CCDC73: variants seen among roughly 807,000 people sequenced by gnomAD.
CCDC73 encodes the protein coiled-coil domain containing 73, also known as coiled-coil domain-containing protein 73.
In CCDC73, 95 loss-of-function variants were observed where a neutral mutation model predicts 116.5. The observed-to-expected ratio is 0.82, with a 90% CI of 0.69 to 0.97. The LOEUF is 0.97. CCDC73 is among the 50% of genes least tolerant of loss of function. The probability of loss-of-function intolerance (pLI) is 0.00; values close to 1 mark genes in which losing one functional copy is unlikely to be tolerated. For missense variants in CCDC73, 1,066 were observed against 1,206.8 expected (o/e 0.88, Z 1.73); for synonymous variants, 398 against 401.3 (o/e 0.99, Z 0.10).
intron 6 of CCDC73, among the ~76,000 whole-genome samples, chr11:32,697,379 T>C (rs1201014782): frequency 2.6e-5 from 4 of 152,038 alleles, no homozygotes; most frequent in African/African-American, 9.7e-5. Flanking sequence ...TATTCAAATA[T>C]CCCAATTGTC....
chr11:32,719,314 CAG>C (rs940518948), intron 2 of CCDC73, among the ~76,000 whole-genome samples: 1 of 152,216 alleles, frequency 6.6e-6, no homozygotes, highest in African/African-American at 2.4e-5. Context: ...CACACACACA[CAG>C]AGCCCTTCTG....
At chr11:32,632,895 A>G (rs1251265829) in intron 14 of CCDC73, among the ~76,000 whole-genome samples, 1 of 152,220 alleles carries the variant, frequency 6.6e-6, no homozygotes, top group Non-Finnish European at 1.5e-5. Flanking sequence ...AAAAGAAGAA[A>G]GGTAAATAAT....
chr11:32,721,409 G>T (rs1849988438), intron 2 of CCDC73, among the ~76,000 whole-genome samples: 1 of 152,052 alleles, frequency 6.6e-6, no homozygotes. Context: ...TCAAAAGAGG[G>T]ATAGATAGAT....
At chr11:32,827,831 A>G in the CCDC73 span, among the ~76,000 whole-genome samples, 1 of 152,208 alleles carries the variant, frequency 6.6e-6, no homozygotes, top group African/African-American at 2.4e-5. Flanking sequence ...TGTGGTGTCC[A>G]TCTCCCCACC....
At position 32,613,542 on chromosome 11, in the gene CCDC73, G is replaced by A; in HGVS notation, c.2776C>T (p.Pro926Ser). ...IESQTASSST[P>S]CISLLLKERP... is the part of the protein sequence containing the mutation. ...TCCTTCAGCAACAAAGAAATGCAAGGGGTCGAACTGCTCGCTGTTTGACTT... is the reference window on the plus strand; with the variant it reads ...TCCTTCAGCAACAAAGAAATGCAAGAGGTCGAACTGCTCGCTGTTTGACTT... The change falls in exon 16 of 18, where the codon CCT becomes TCT. Residue 926 changes from proline to serine, a missense_variant. Pro to Ser is a moderately conservative substitution (Grantham distance 74). Transcript: ENST00000335185. 6.2e-7 allele frequency: 1 copy of A among 1,613,942 alleles called. No individual in the cohort carries two copies. Among genetic ancestry groups the A allele is most frequent in the Non-Finnish European group, 8.5e-7 (1 of 1,179,978 alleles).
At chr11:32,706,725 C>G (rs1165743292) in intron 3 of CCDC73, among the ~76,000 whole-genome samples, 2 of 152,158 alleles carry the variant, frequency 1.3e-5, no homozygotes, top group Admixed American at 1.3e-4. Context: ...ATAGGGGTAT[C>G]TCAAATAATC....
At chr11:32,610,382 G>C (rs952790911) in intron 17 of CCDC73, among the ~76,000 whole-genome samples, 1 of 152,142 alleles carries the variant, frequency 6.6e-6, no homozygotes, top group African/African-American at 2.4e-5. Flanking sequence ...TATCTCACTT[G>C]AGGTTTCTCC....
At chr11:32,653,904 A>G in intron 11 of CCDC73, 74 bp downstream of exon 11, 1 of 1,515,254 alleles carries the variant, frequency 6.6e-7, no homozygotes. Context: ...GCTATGCATG[A>G]TTCCACTTAT....
intron 2 of CCDC73, among the ~76,000 whole-genome samples, chr11:32,724,401 G>C (rs555987307): frequency 2.6e-5 from 4 of 152,112 alleles, no homozygotes; most frequent in African/African-American, 9.7e-5. Flanking sequence ...CATGGCATGT[G>C]ATGCCCATTA....
the CCDC73 span, among the ~76,000 whole-genome samples, chr11:32,825,061 G>A: frequency 6.6e-6 from 1 of 152,118 alleles, no homozygotes; most frequent in South Asian, 2.1e-4. Flanking sequence ...CTCCAGCCTG[G>A]GCAATAGAGT....
At chr11:32,647,669 G>C (rs1458457481) in intron 12 of CCDC73, among the ~76,000 whole-genome samples, 1 of 152,100 alleles carries the variant, frequency 6.6e-6, no homozygotes, top group Non-Finnish European at 1.5e-5. Context: ...GGGCAGGTTA[G>C]CTTCCCCTGA....
chr11:32,797,105 A>G (rs1378855763), upstream of CCDC73, among the ~76,000 whole-genome samples: 1 of 152,092 alleles, frequency 6.6e-6, no homozygotes, highest in African/African-American at 2.4e-5. Context: ...AAGTCATGAT[A>G]CATGTGAACA....
intron 6 of CCDC73, among the ~76,000 whole-genome samples, chr11:32,684,959 T>A (rs938537804): frequency 1.3e-5 from 2 of 151,956 alleles, no homozygotes; most frequent in Admixed American, 1.3e-4. Flanking sequence ...CCAGCCTGAG[T>A]GACAGAATGA....
In CCDC73 at chr11:32,614,128, G is replaced by T; in HGVS notation, c.2190C>A (p.Val730=). Residue 730 remains valine, a synonymous_variant, in exon 16 of 18, where the codon GTC becomes GTA. Transcript: ENST00000335185. ...KLLLKNSDKN[V]HSMSMLVKPN... is the part of the protein sequence containing the mutation. ...GTTTCACCAACATAGACATACTATG[G>T]ACATTTTTATCTGAGTTCTTCAGAA... The T allele has an allele frequency of 6.2e-7, 1 of 1,613,492 alleles. No individual in the cohort carries two copies. The highest frequency in any genetic ancestry group is 1.1e-5 in the South Asian group (1 of 91,064).
At chr11:32,826,585 T>C in the CCDC73 span, among the ~76,000 whole-genome samples, 273 of 150,236 alleles carry the variant, frequency 1.8e-3, no homozygotes, top group African/African-American at 6.2e-3. Context: ...CAATTTTTTT[T>C]CTTATTCCCT....
At chr11:32,762,715 TCTAA>T (rs1273913942) in intron 1 of CCDC73, among the ~76,000 whole-genome samples, 1 of 152,146 alleles carries the variant, frequency 6.6e-6, no homozygotes, top group Non-Finnish European at 1.5e-5. Flanking sequence ...TTTCTGCATT[TCTAA>T]CTGAGGTACT....
intron 7 of CCDC73, chr11:32,681,563 A>C (rs1005923761): frequency 6.6e-6 from 1 of 152,022 alleles, no homozygotes; most frequent in Non-Finnish European, 1.5e-5. Context: ...CTAGTAGTTA[A>C]GGACTTACCT....
the CCDC73 span, among the ~76,000 whole-genome samples, chr11:32,825,741 A>G: frequency 6.6e-6 from 1 of 152,198 alleles, no homozygotes; most frequent in Non-Finnish European, 1.5e-5. Context: ...GAATATCATG[A>G]TCACTTGAAT....
chr11:32,630,523 G>A (rs1855622389), intron 14 of CCDC73, among the ~76,000 whole-genome samples: 1 of 152,038 alleles, frequency 6.6e-6, no homozygotes, highest in African/African-American at 2.4e-5. Flanking sequence ...TTTGCATTTT[G>A]GTAGAGATGG....
Sources: gnomAD v4.1 joint callset for allele counts (sites outside exome capture counted in the v4.1 genomes callset) on GRCh38, gnomAD v4.1.1 for gene constraint, MANE v1.5 for transcripts, NCBI Gene and HGNC (gene_info 2026-07-23, HGNC 2026-07-21) for gene names.